Variants in RORA observed in about 807,000 individuals in gnomAD.
RORA encodes the protein RAR related orphan receptor A, also known as nuclear receptor ROR-alpha.
RORA carries 7 observed loss-of-function variants against 69.5 expected under a neutral mutation model. That is an observed-to-expected ratio of 0.10 (90% CI 0.06 to 0.19). The LOEUF (loss-of-function observed/expected upper bound fraction) is 0.19. Ranked by LOEUF, RORA falls within the 10% of genes least tolerant of loss-of-function variation. The pLI, the probability that RORA is intolerant of heterozygous loss-of-function variation, is 1.00. For missense variants in RORA, 457 were observed against 663.0 expected (o/e 0.69, Z 3.41); for synonymous variants, 261 against 240.8 (o/e 1.08, Z -0.78).
chr15:60,836,618 G>A (rs1371288950), intron 1 of RORA, among the ~76,000 whole-genome samples: 1 of 152,100 alleles, frequency 6.6e-6, no homozygotes, highest in Non-Finnish European at 1.5e-5. Flanking sequence ...CACGTTCAGC[G>A]GGGACTCCAG....
At chr15:61,075,270 A>G (rs893156145) in intron 1 of RORA, among the ~76,000 whole-genome samples, 1 of 152,094 alleles carries the variant, frequency 6.6e-6, no homozygotes, top group Non-Finnish European at 1.5e-5. Flanking sequence ...GAGCTTTAGG[A>G]ATCTGGAGGG....
At chr15:60,687,611 A>G (rs2070767566) in intron 1 of RORA, among the ~76,000 whole-genome samples, 1 of 152,200 alleles carries the variant, frequency 6.6e-6, no homozygotes, top group Admixed American at 6.5e-5. Flanking sequence ...AACATTAGCT[A>G]GCCATGGTGG....
chr15:61,119,441 A>AAT (rs766044056), intron 1 of RORA, among the ~76,000 whole-genome samples: 11 of 150,344 alleles, frequency 7.3e-5, no homozygotes, highest in African/African-American at 1.7e-4. Context: ...CACACACACA[A>AAT]ATATATATAT....
chr15:60,693,665 C>A (rs1470980286), intron 1 of RORA, among the ~76,000 whole-genome samples: 1 of 151,980 alleles, frequency 6.6e-6, no homozygotes, highest in East Asian at 1.9e-4. Context: ...AAGCAGAGAG[C>A]CAAATCATGA....
intron 1 of RORA, among the ~76,000 whole-genome samples, chr15:60,799,515 C>T (rs1281620580): frequency 6.6e-6 from 1 of 152,064 alleles, no homozygotes; most frequent in Non-Finnish European, 1.5e-5. Context: ...ACTCAAAACA[C>T]AATAGCTCCT....
rs560724657 is a variant in RORA, at chr15:60,964,163, G to T, written c.166+264890C>A. ...TGGTATAGTCTGGTTTCAAGTAGAA[G>T]TTCATCTGATTCCTACCCCTGAATG... On this transcript the variant is annotated intron_variant, in intron 1 of 10. Coordinates refer to ENST00000335670, the MANE Select transcript of RORA (RefSeq NM_134261.3). 2.0e-5 allele frequency among the ~76,000 whole-genome samples: 3 copies of T among 152,320 alleles called. No homozygotes were observed. The East Asian group carries it at 5.8e-4, about 29-fold the overall frequency.
At chr15:60,820,031 A>G (rs926479177) in intron 1 of RORA, among the ~76,000 whole-genome samples, 1 of 152,162 alleles carries the variant, frequency 6.6e-6, no homozygotes, top group African/African-American at 2.4e-5. Flanking sequence ...TAACATCCCA[A>G]ACTAAAAGTG....
At chr15:60,758,041 C>T (rs976444637) in intron 1 of RORA, among the ~76,000 whole-genome samples, 4 of 152,162 alleles carry the variant, frequency 2.6e-5, no homozygotes, top group African/African-American at 4.8e-5. Context: ...TCAATGGGAC[C>T]GGCACCTCTA....
rs542275787 is a variant in RORA at position 60,630,888 on chromosome 15, C to CTTTTTTTTTTTTTT, written c.196+47755_196+47768dup. Among the ~76,000 whole-genome samples, 96 of 109,876 alleles carry CTTTTTTTTTTTTTT rather than the reference C, an allele frequency of 8.7e-4. 4 individuals carry two copies. The highest frequency in any genetic ancestry group is 1.6e-3 in the African/African-American group (42 of 26,430). The allele number at this position is 109,876 out of a possible 152,430, so 72.1% of individuals were successfully genotyped here. A position where few individuals can be genotyped will look rare whatever the true frequency, so the allele number is the denominator to read the frequency against. On this transcript the variant is annotated intron_variant, in intron 2 of 10. Coordinates refer to ENST00000335670, the MANE Select transcript of RORA (RefSeq NM_134261.3). Reference sequence around the variant, plus strand: ...GGCATTTGGGCCAGGATGAGACTTTCTTTTTTTTTTTTTTTTTGAGACGGA... The same window carrying CTTTTTTTTTTTTTT: ...GGCATTTGGGCCAGGATGAGACTTTCTTTTTTTTTTTTTTTTTTTTTTTTTTTTTTTGAGACGGA...
intron 2 of RORA, among the ~76,000 whole-genome samples, chr15:60,594,234 A>G (rs2068617990): frequency 6.6e-6 from 1 of 152,242 alleles, no homozygotes. Flanking sequence ...AATGTTTACA[A>G]TTATGAAATT....
At chr15:61,004,382 T>TG (rs925546779) in intron 1 of RORA, among the ~76,000 whole-genome samples, 1 of 151,798 alleles carries the variant, frequency 6.6e-6, no homozygotes, top group African/African-American at 2.4e-5. Context: ...CTGAATGTTT[T>TG]TTTTTTTTTT....
intron 2 of RORA, among the ~76,000 whole-genome samples, chr15:60,603,464 G>A (rs1181067212): frequency 6.6e-6 from 1 of 152,178 alleles, no homozygotes; most frequent in Non-Finnish European, 1.5e-5. Context: ...GCTGATTTTA[G>A]TTCTTCAAAG....
intron 2 of RORA, among the ~76,000 whole-genome samples, chr15:60,671,110 C>G (rs1026634055): frequency 8.6e-6 from 1 of 116,092 alleles, no homozygotes; most frequent in Admixed American, 8.0e-5. Context: ...GTTTCCTGAG[C>G]GTTCTGTTAG....
At position 61,040,623 on chromosome 15, in the gene RORA, A is replaced by G. The variant is rs528516710; in HGVS notation, c.166+188430T>C. On this transcript the variant is annotated intron_variant, in intron 1 of 10. Coordinates refer to ENST00000335670, the MANE Select transcript of RORA (RefSeq NM_134261.3). ...GTACACTAGGTAGACCGTACACCCTATGAGGACAAATACAGTTCTTTTTTT... is the reference window on the plus strand; with the variant it reads ...GTACACTAGGTAGACCGTACACCCTGTGAGGACAAATACAGTTCTTTTTTT... Among the ~76,000 whole-genome samples, 4 of 152,164 alleles carry G rather than the reference A, an allele frequency of 2.6e-5. No individual in the cohort carries two copies. The East Asian group carries it at 5.8e-4, about 22-fold the overall frequency.
At chr15:61,045,871 A>G (rs12443239) in intron 1 of RORA, among the ~76,000 whole-genome samples, 61,475 of 152,148 alleles carry the variant, frequency 0.4, 12,642 homozygotes, top group East Asian at 0.57. Context: ...TCCCCCTTAA[A>G]TCAGAAGCAA....
intron 1 of RORA, among the ~76,000 whole-genome samples, chr15:60,799,122 T>C (rs2072543113): frequency 6.6e-6 from 1 of 152,124 alleles, no homozygotes; most frequent in Non-Finnish European, 1.5e-5. Context: ...GCCCTCGTGC[T>C]GGTCTCTGGA....
At chr15:60,956,326 C>CAA (rs1193010258) in intron 1 of RORA, among the ~76,000 whole-genome samples, 4 of 152,142 alleles carry the variant, frequency 2.6e-5, no homozygotes, top group African/African-American at 7.2e-5. Flanking sequence ...ATTTAATTCT[C>CAA]ACAGCAATTC....
Position 60,495,988 on chromosome 15 carries a change from C to G in RORA, c.*1467G>C, listed in dbSNP as rs2065157900. 6.6e-6 allele frequency: 1 copy of G among 151,914 alleles called. No individual in the cohort carries two copies. Among genetic ancestry groups the G allele is most frequent in the African/African-American group, 2.4e-5 (1 of 41,334 alleles). The allele number at this position is 151,914 out of a possible 1,614,324, so 9.4% of individuals were successfully genotyped here. A position where few individuals can be genotyped will look rare whatever the true frequency, so the allele number is the denominator to read the frequency against. On this transcript the variant is annotated 3_prime_UTR_variant, in exon 11 of 11. Transcript: ENST00000335670. The stretch of plus-strand genomic sequence containing the variant: ...CACAGTTTCCTAGTGAAGATAAATA[C>G]AAGAGTAAATGTTTGCAGCTAGCAT...
At chr15:61,062,371 C>T (rs2078198852) in intron 1 of RORA, among the ~76,000 whole-genome samples, 2 of 152,206 alleles carry the variant, frequency 1.3e-5, no homozygotes, top group Admixed American at 1.3e-4. Flanking sequence ...TGCAGTGCTG[C>T]ATGGTTGATT....
Sources: allele counts gnomAD v4.1 joint callset (sites outside exome capture counted in the v4.1 genomes callset), GRCh38; gene constraint gnomAD v4.1.1; transcripts MANE v1.5; gene names NCBI Gene and HGNC (gene_info 2026-07-23, HGNC 2026-07-21).